Variants in BCAS3 observed in about 807,000 individuals in gnomAD.
The protein encoded by BCAS3 is BCAS3 microtubule associated cell migration factor.
In BCAS3, 53 loss-of-function variants were observed where a neutral mutation model predicts 116.1. The ratio of observed to expected loss-of-function variants is 0.46; its 90% CI spans 0.37 to 0.57. The LOEUF (loss-of-function observed/expected upper bound fraction) is 0.57, where lower values mean the gene tolerates loss of function less well. Among genes scored for constraint, BCAS3 ranks in the 20% least tolerant of loss-of-function variants. The pLI, the probability that BCAS3 is intolerant of heterozygous loss-of-function variation, is 0.00. For synonymous variants in BCAS3, 391 were observed against 408.2 expected (o/e 0.96, Z 0.51); for missense variants, 917 against 1,165.4 (o/e 0.79, Z 3.10).
rs2082386574 is a variant in BCAS3 at position 61,226,638 on chromosome 17, A to C, written c.2426-141689A>C. Among the ~76,000 whole-genome samples the C allele has an allele frequency of 6.6e-6, 1 of 152,198 alleles. No individual in the cohort carries two copies. Among genetic ancestry groups the C allele is most frequent in the Non-Finnish European group, 1.5e-5 (1 of 68,032 alleles). On this transcript the variant is annotated intron_variant, in intron 22 of 23. Coordinates refer to ENST00000407086, the MANE Select transcript of BCAS3 (RefSeq NM_017679.5). This position sits in a 1 kb window ranked among gnomAD's most constrained non-coding sequence, Gnocchi z 6.0. ...GTGATCTTTTTTGTTCAGATGCAAAATAGCTCCAGTACTCATGTGTATTTT... is the reference window on the plus strand; with the variant it reads ...GTGATCTTTTTTGTTCAGATGCAAACTAGCTCCAGTACTCATGTGTATTTT...
At chr17:60,901,725 A>G (rs925458537) in intron 10 of BCAS3, among the ~76,000 whole-genome samples, 6 of 152,232 alleles carry the variant, frequency 3.9e-5, no homozygotes, top group Non-Finnish European at 8.8e-5. Flanking sequence ...TCTTCATCAG[A>G]GGACCTGGTT....
intron 19 of BCAS3, among the ~76,000 whole-genome samples, chr17:61,046,095 T>TA (rs1330043774): frequency 2.0e-5 from 1 of 50,456 alleles, no homozygotes; most frequent in African/African-American, 9.6e-5. Context: ...TATATATATA[T>TA]AATATATATA....
intron 6 of BCAS3, among the ~76,000 whole-genome samples, chr17:60,807,025 T>A (rs1399923528): frequency 6.6e-5 from 10 of 152,154 alleles, no homozygotes; most frequent in Admixed American, 5.9e-4. Flanking sequence ...CTCTGAACCA[T>A]TACCTGTGAC....
chr17:60,833,010 C>T (rs77170306), intron 7 of BCAS3, among the ~76,000 whole-genome samples: 3 of 152,162 alleles, frequency 2.0e-5, no homozygotes, highest in African/African-American at 7.2e-5. Flanking sequence ...AATACAAGTA[C>T]CATGACAAGT....
rs555685079 is a variant in BCAS3, at chr17:60,738,153, GTC to G, written c.322-9043_322-9042del. Among the ~76,000 whole-genome samples, 149 of 152,340 alleles carry G rather than the reference GTC, an allele frequency of 9.8e-4. 1 individual carries two copies. The highest frequency in any genetic ancestry group is 2.1e-3 in the Admixed American group (32 of 15,296). ...TGCCCTATCTTAGTGAATGTTCCAT[GTC>G]TGCCTGAAGAATGTTTATTGTGCTA... On this transcript the variant is annotated intron_variant, in intron 5 of 23. Transcript: ENST00000407086.
intron 22 of BCAS3, among the ~76,000 whole-genome samples, chr17:61,299,492 G>T (rs1409266643): frequency 6.7e-6 from 1 of 148,800 alleles, no homozygotes; most frequent in African/African-American, 2.5e-5. Flanking sequence ...GGGATTCTGA[G>T]TAAACTTGGG....
At position 61,067,273 on chromosome 17, in the gene BCAS3, G is replaced by GTATATATATATATATATA. The variant is rs1199603635; in HGVS notation, c.2030-7621_2030-7604dup. On this transcript the variant is annotated intron_variant, in intron 19 of 23. Coordinates refer to ENST00000407086, the MANE Select transcript of BCAS3 (RefSeq NM_017679.5). ...CATAACTTTATTTATGTGTGTATGT[G>GTATATATATATATATATA]TATATATATATATATATATATATAT... Among the ~76,000 whole-genome samples, 112 of 58,782 alleles carry GTATATATATATATATATA rather than the reference G, an allele frequency of 1.9e-3. 1 individual carries two copies. The highest frequency in any genetic ancestry group is 2.5e-3 in the Non-Finnish European group (86 of 34,854). 38.6% of individuals were successfully genotyped at this position (58,782 alleles called of 152,430 possible).
At chr17:61,150,474 T>G (rs1035863969) in intron 22 of BCAS3, among the ~76,000 whole-genome samples, 4 of 152,234 alleles carry the variant, frequency 2.6e-5, no homozygotes, top group Non-Finnish European at 5.9e-5. Flanking sequence ...ACCACCCACG[T>G]GCACTGAAAA....
In BCAS3 at chr17:61,021,871, TC is replaced by T. The variant is rs1206797455; in HGVS notation, c.1637+5971del. Among the ~76,000 whole-genome samples, 1 of 152,186 alleles carries T rather than the reference TC, an allele frequency of 6.6e-6. No homozygotes were observed. The highest frequency in any genetic ancestry group is 1.5e-5 in the Non-Finnish European group (1 of 68,044). On this transcript the variant is annotated intron_variant, in intron 16 of 23. Transcript: ENST00000407086. The surrounding 1 kb of genome is among the most constrained non-coding windows in gnomAD (Gnocchi z 4.6). ...TTAATTCAATTAGGTACACCTTGGC[TC>T]AGTTACACAGTTTGGCCTGAGCCTT...
chr17:60,875,740 C>A lies in BCAS3; in HGVS notation c.661+1002C>A, dbSNP rs886716306. Among the ~76,000 whole-genome samples, 5 of 151,962 alleles carry A rather than the reference C, an allele frequency of 3.3e-5. No homozygotes were observed. The East Asian group carries it at 9.7e-4, about 29-fold the overall frequency. ...AACATGTAATAATATAGTGCTGTGG[C>A]AAAAATATTGTATCTTAATTAAATT... On this transcript the variant is annotated intron_variant, in intron 9 of 23. Coordinates refer to ENST00000407086, the MANE Select transcript of BCAS3 (RefSeq NM_017679.5).
At chr17:60,728,915 T>C (rs1338826847) in intron 5 of BCAS3, among the ~76,000 whole-genome samples, 2 of 152,254 alleles carry the variant, frequency 1.3e-5, no homozygotes, top group African/African-American at 2.4e-5. Context: ...TGCTTGTGTG[T>C]ATACACAAGT....
intron 7 of BCAS3, chr17:60,851,627 A>T: frequency 1.5e-6 from 1 of 685,526 alleles, no homozygotes. Flanking sequence ...AAAGGGGAGC[A>T]AAGGGAAAAC....
intron 6 of BCAS3, among the ~76,000 whole-genome samples, chr17:60,779,873 T>G (rs78689246): frequency 0.063 from 9,562 of 152,278 alleles, 348 homozygotes; most frequent in Non-Finnish European, 0.084. Context: ...TTGGTGCTAT[T>G]TGATATATAG....
Position 60,709,324 on chromosome 17 carries a change from C to T in BCAS3, c.320C>T (p.Pro107Leu). Residue 107 changes from proline (P) to leucine (L), a missense_variant and splice_region_variant, in exon 5 of 24, where the codon CCT becomes CTT. Physicochemically the swap from Pro to Leu is moderately conservative, Grantham distance 98. Transcript: ENST00000407086. ...YSDGMQVWSI[P>L]ISGEAQELFS... ...GATGGAATGCAGGTCTGGAGCATCCCTGTAAGTACACATGTGGTTGAATAC... is the reference window on the plus strand; with the variant it reads ...GATGGAATGCAGGTCTGGAGCATCCTTGTAAGTACACATGTGGTTGAATAC... The T allele has an allele frequency of 6.4e-7, 1 of 1,559,238 alleles. No individual in the cohort carries two copies.
At chr17:61,112,883 C>A (rs2075184617) in intron 22 of BCAS3, among the ~76,000 whole-genome samples, 1 of 151,344 alleles carries the variant, frequency 6.6e-6, no homozygotes, top group Admixed American at 6.6e-5. Flanking sequence ...TTATAGCAAA[C>A]TATCTCTCAG....
At chr17:60,851,757 A>G in intron 7 of BCAS3, 4 of 949,044 alleles carry the variant, frequency 4.2e-6, no homozygotes, top group Non-Finnish European at 6.9e-6. Flanking sequence ...ACCATATACC[A>G]TGTCTTATCA....
intron 19 of BCAS3, among the ~76,000 whole-genome samples, chr17:61,066,267 G>C (rs1348599611): frequency 6.6e-6 from 1 of 152,132 alleles, no homozygotes; most frequent in African/African-American, 2.4e-5. Context: ...AAGAAATGTA[G>C]GAAAGGGTAG....
In BCAS3 at chr17:61,239,409, A is replaced by T. The variant is rs2083299941; in HGVS notation, c.2426-128918A>T. Among the ~76,000 whole-genome samples the T allele has an allele frequency of 6.6e-6, 1 of 152,192 alleles. No homozygotes were observed. The highest frequency in any genetic ancestry group is 2.4e-5 in the African/African-American group (1 of 41,450). On this transcript the variant is annotated intron_variant, in intron 22 of 23. Transcript: ENST00000407086. This position sits in a 1 kb window ranked among gnomAD's most constrained non-coding sequence, Gnocchi z 4.2. Reference sequence around the variant, plus strand: ...TTTGGGGTTTTTTGTTTTGTTTTTAATTCAATTTGCAAAGCCTCTAGCAGA... The same window carrying T: ...TTTGGGGTTTTTTGTTTTGTTTTTATTTCAATTTGCAAAGCCTCTAGCAGA...
At position 61,378,340 on chromosome 17, in the gene BCAS3, C is replaced by T. The variant is rs1222311033; in HGVS notation, c.2593+9846C>T. The T allele has an allele frequency of 1.3e-5, 2 of 152,358 alleles. No individual in the cohort carries two copies. Among genetic ancestry groups the T allele is most frequent in the Non-Finnish European group, 2.9e-5 (2 of 68,130 alleles). The allele number at this position is 152,358 out of a possible 1,614,324, so 9.4% of individuals were successfully genotyped here. A position where few individuals can be genotyped will look rare whatever the true frequency, so the allele number is the denominator to read the frequency against. On this transcript the variant is annotated intron_variant, in intron 23 of 23. Coordinates refer to ENST00000407086, the MANE Select transcript of BCAS3 (RefSeq NM_017679.5). The surrounding 1 kb of genome is among the most constrained non-coding windows in gnomAD (Gnocchi z 5.8). ...AGGCCAAGCTCAAATCTCACCTCCTCTGTGTTGCTTTCCCTGACCATGAAG... is the reference window on the plus strand; with the variant it reads ...AGGCCAAGCTCAAATCTCACCTCCTTTGTGTTGCTTTCCCTGACCATGAAG...
Sources: gnomAD v4.1 joint callset for allele counts (sites outside exome capture counted in the v4.1 genomes callset) on GRCh38, gnomAD v4.1.1 for gene constraint, Gnocchi (gnomAD v3.1) non-coding constraint, MANE v1.5 for transcripts, NCBI Gene and HGNC (gene_info 2026-07-23, HGNC 2026-07-21) for gene names.